GRK5: variants seen among roughly 807,000 people sequenced by gnomAD.
GRK5 encodes G protein-coupled receptor kinase 5, also known as g protein-coupled receptor kinase GRK5.
GRK5 carries 40 observed loss-of-function variants against 78.4 expected under a neutral mutation model. The ratio of observed to expected loss-of-function variants is 0.51; its 90% confidence interval spans 0.40 to 0.66. The LOEUF (loss-of-function observed/expected upper bound fraction) is 0.66. Ranked by LOEUF, GRK5 falls within the 30% of genes least tolerant of loss-of-function variation. GRK5 has a pLI of 0.00. For missense variants in GRK5, 598 were observed against 759.9 expected, an observed-to-expected ratio of 0.79 and a Z score of 2.50; for synonymous variants, 289 against 296.8, an observed-to-expected ratio of 0.97 and a Z score of 0.27.
intron 3 of GRK5, among the ~76,000 whole-genome samples, chr10:119,394,593 G>A (rs111210179): frequency 0.019 from 49 of 2,558 alleles, 11 homozygotes; most frequent in African/African-American, 0.054. Context: ...GTGGGTGTGT[G>A]TCTGTGTGTG....
chr10:119,420,649 A>G (rs1408107663), intron 4 of GRK5, among the ~76,000 whole-genome samples: 1 of 148,694 alleles, frequency 6.7e-6, no homozygotes, highest in Admixed American at 6.7e-5. Context: ...TGTGATCATG[A>G]CTCACTGCAG....
intron 1 of GRK5, among the ~76,000 whole-genome samples, chr10:119,231,723 A>G (rs954896908): frequency 6.6e-6 from 1 of 151,360 alleles, no homozygotes; most frequent in Non-Finnish European, 1.5e-5. Flanking sequence ...AAAAAAAAAA[A>G]GAAAAAAAAC....
At chr10:119,428,440 A>T (rs759986574) in intron 6 of GRK5, among the ~76,000 whole-genome samples, 1 of 152,252 alleles carries the variant, frequency 6.6e-6, no homozygotes, top group Non-Finnish European at 1.5e-5. Context: ...AGGAGTTCAA[A>T]TAATGACATC....
At chr10:119,437,158 T>C (rs7910259) in intron 9 of GRK5, among the ~76,000 whole-genome samples, 91,565 of 152,160 alleles carry the variant, frequency 0.6, 28,122 homozygotes, top group Admixed American at 0.63. Context: ...TCCCTCCAGT[T>C]GCCTCCATCC....
chr10:119,266,761 TG>T lies in GRK5; in HGVS notation c.52+58799del, dbSNP rs1368830743. Among the ~76,000 whole-genome samples the T allele has an allele frequency of 2.3e-3, 5 of 2,144 alleles. No individual in the cohort carries two copies. The East Asian group carries it at 0.038, about 16-fold the overall frequency. The allele number at this position is 2,144 out of a possible 152,430, so 1.4% of individuals were successfully genotyped here. On this transcript the variant is annotated intron_variant, in intron 1 of 15. Transcript: ENST00000392870. ...TGGCCATTTGCTGGGGTTGGGTGGG[TG>T]GGGGGGAAGAGTTTTTTTTTTTTTT...
intron 1 of GRK5, among the ~76,000 whole-genome samples, chr10:119,219,889 C>T (rs1000916498): frequency 6.6e-6 from 1 of 152,090 alleles, no homozygotes; most frequent in African/African-American, 2.4e-5. Context: ...AGGTAACTTT[C>T]GATGTGAGCT....
At chr10:119,438,704 C>T (rs1166878568) in intron 9 of GRK5, among the ~76,000 whole-genome samples, 2 of 152,246 alleles carry the variant, frequency 1.3e-5, no homozygotes, top group Non-Finnish European at 2.9e-5. Context: ...TCTCTTTGGG[C>T]TCCGTTCTGG....
At chr10:119,244,934 A>G (rs1161255335) in intron 1 of GRK5, among the ~76,000 whole-genome samples, 3 of 152,336 alleles carry the variant, frequency 2.0e-5, no homozygotes, top group East Asian at 3.9e-4. Context: ...CAAAAAATTA[A>G]AAGTAGGATT....
At chr10:119,340,702 A>C (rs1850967807) in intron 2 of GRK5, among the ~76,000 whole-genome samples, 1 of 152,226 alleles carries the variant, frequency 6.6e-6, no homozygotes, top group African/African-American at 2.4e-5. Context: ...TGGGAGGCAG[A>C]AGACCCAGTT....
chr10:119,303,042 T>A (rs776761926), intron 1 of GRK5, among the ~76,000 whole-genome samples: 11 of 152,186 alleles, frequency 7.2e-5, no homozygotes, highest in Admixed American at 3.3e-4. Flanking sequence ...AGAGAGGGTC[T>A]GTGACCCTCG....
intron 2 of GRK5, among the ~76,000 whole-genome samples, chr10:119,373,230 G>C (rs978614489): frequency 8.5e-5 from 13 of 152,220 alleles, no homozygotes; most frequent in Non-Finnish European, 1.5e-4. Flanking sequence ...TTAAACTGGA[G>C]AGTATGTTAA....
intron 2 of GRK5, among the ~76,000 whole-genome samples, chr10:119,367,643 T>A (rs946734489): frequency 2.6e-5 from 4 of 152,222 alleles, no homozygotes; most frequent in African/African-American, 7.2e-5. Context: ...AAGGGCAGTA[T>A]AACAGAAAGA....
chr10:119,301,251 C>T (rs1458631750), intron 1 of GRK5, among the ~76,000 whole-genome samples: 1 of 152,230 alleles, frequency 6.6e-6, no homozygotes, highest in African/African-American at 2.4e-5. Context: ...CAGGCCCCAT[C>T]TACCTTGTGG....
At chr10:119,322,806 T>G (rs557131722) in intron 1 of GRK5, among the ~76,000 whole-genome samples, 1 of 152,334 alleles carries the variant, frequency 6.6e-6, no homozygotes, top group South Asian at 2.1e-4. Flanking sequence ...CTCCTGAGTA[T>G]ATACCCAAAA....
intron 4 of GRK5, chr10:119,406,383 C>G (rs1852241095): frequency 3.6e-6 from 3 of 843,680 alleles, no homozygotes; most frequent in Non-Finnish European, 4.3e-6. Flanking sequence ...TGGCCCTGGT[C>G]CTGCTTAGAG....
chr10:119,409,845 T>A (rs1852305089), intron 4 of GRK5, among the ~76,000 whole-genome samples: 1 of 152,186 alleles, frequency 6.6e-6, no homozygotes, highest in African/African-American at 2.4e-5. Flanking sequence ...TGCCCTCGCC[T>A]ATCACGCACA....
chr10:119,442,789 C>G lies in GRK5; in HGVS notation c.1057+701C>G, dbSNP rs910130493. The stretch of plus-strand genomic sequence containing the variant: ...GTCTCTGGTGCTAGAGGGTCCTTTT[C>G]AGATTGCATGACATTTGGCAACCTG... On this transcript the variant is annotated intron_variant, in intron 11 of 15. Coordinates refer to ENST00000392870, the MANE Select transcript of GRK5 (RefSeq NM_005308.3). Among the ~76,000 whole-genome samples, 36 of 152,222 alleles carry G rather than the reference C, an allele frequency of 2.4e-4. 1 individual carries two copies. Among genetic ancestry groups the G allele is most frequent in the Admixed American group, 2.2e-3 (33 of 15,286 alleles).
rs17676496 is a variant in GRK5 at position 119,349,370 on chromosome 10, G to T, written c.148+22759G>T. On this transcript the variant is annotated intron_variant, in intron 2 of 15. Transcript: ENST00000392870. ...CCAGCTCTGTGTCTGACTCTGCCCA[G>T]TGGTTCTGGAAGGAAAGCAGTACCT... 8.2e-3 allele frequency among the ~76,000 whole-genome samples: 1,251 copies of T among 152,372 alleles called. 18 individuals are homozygous for T. Among genetic ancestry groups the T allele is most frequent in the South Asian group, 0.076 (369 of 4,832 alleles).
intron 1 of GRK5, among the ~76,000 whole-genome samples, chr10:119,255,251 G>A (rs1849262829): frequency 6.6e-6 from 1 of 152,102 alleles, no homozygotes; most frequent in African/African-American, 2.4e-5. Context: ...AGGGACAGCA[G>A]CTATGGCCAG....
Sources: gnomAD v4.1 joint callset for allele counts (sites outside exome capture counted in the v4.1 genomes callset) on GRCh38, gnomAD v4.1.1 for gene constraint, MANE v1.5 for transcripts, NCBI Gene and HGNC (gene_info 2026-07-23, HGNC 2026-07-21) for gene names.